The following ABHD2 variants were observed in gnomAD, a reference collection of about 807,000 sequenced individuals.
ABHD2 encodes the protein abhydrolase domain containing 2, acylglycerol lipase, also known as monoacylglycerol lipase ABHD2.
In ABHD2, 20 loss-of-function variants were observed where a neutral mutation model predicts 48.1. That is an observed-to-expected ratio of 0.42 (90% CI 0.29 to 0.60). The LOEUF (loss-of-function observed/expected upper bound fraction) is 0.60, where lower values mean the gene tolerates loss of function less well. Ranked by LOEUF, ABHD2 falls within the 20% of genes least tolerant of loss-of-function variation. The pLI, the probability that ABHD2 is intolerant of heterozygous loss-of-function variation, is 0.24. For synonymous variants in ABHD2, 209 were observed against 214.2 expected, an observed-to-expected ratio of 0.98 and a Z score of 0.21; for missense variants, 405 against 550.9, an observed-to-expected ratio of 0.74 and a Z score of 2.65.
rs2051422159 is a variant in ABHD2 at position 89,197,308 on chromosome 15, T to C, written c.*1885T>C. On this transcript the variant is annotated 3_prime_UTR_variant, in exon 11 of 11. Coordinates refer to ENST00000352732, the MANE Select transcript of ABHD2 (RefSeq NM_152924.5). This position sits in a 1 kb window ranked among gnomAD's most constrained non-coding sequence, Gnocchi z 4.4. The stretch of plus-strand genomic sequence containing the variant: ...CTCACCAGCCTCTATCATTATGACT[T>C]TCCCCCCAGTGTATTATTTCTCTAA... The C allele has an allele frequency of 6.5e-6, 1 of 152,676 alleles. No individual in the cohort carries two copies. Among genetic ancestry groups the C allele is most frequent in the Admixed American group, 6.5e-5 (1 of 15,288 alleles). 9.5% of individuals were successfully genotyped at this position (152,676 alleles called of 1,614,324 possible).
chr15:89,152,077 GTTT>G (rs34458230), intron 4 of ABHD2, among the ~76,000 whole-genome samples: 3 of 139,884 alleles, frequency 2.1e-5, no homozygotes, highest in African/African-American at 2.6e-5. Flanking sequence ...TTGTAGAATA[GTTT>G]TTTTTTTTTT....
the ABHD2 span, among the ~76,000 whole-genome samples, chr15:89,075,823 T>C: frequency 2.0e-5 from 3 of 152,244 alleles, no homozygotes; most frequent in Admixed American, 6.5e-5. The surrounding 1 kb of genome is among the most constrained non-coding windows in gnomAD (Gnocchi z 4.1). Flanking sequence ...GAAGAGTCCA[T>C]GGGGCAGGCT....
the ABHD2 span, among the ~76,000 whole-genome samples, chr15:89,081,166 ATTTTT>A: frequency 4.3e-5 from 5 of 115,302 alleles, no homozygotes; most frequent in Non-Finnish European, 7.0e-5. Context: ...TGCCCAGCTA[ATTTTT>A]TTTTTTTTTT....
At position 89,114,650 on chromosome 15, in the gene ABHD2, T is replaced by G. The variant is rs183195206; in HGVS notation, c.-7+826T>G. Reference sequence around the variant, plus strand: ...GGCATGTGCCACCACGCCCGGCAAATTTTTGTATTTTTGGTAGAGACAGGA... The same window carrying G: ...GGCATGTGCCACCACGCCCGGCAAAGTTTTGTATTTTTGGTAGAGACAGGA... On this transcript the variant is annotated intron_variant, in intron 2 of 10. Transcript: ENST00000352732. The surrounding 1 kb of genome is among the most constrained non-coding windows in gnomAD (Gnocchi z 4.2). Among the ~76,000 whole-genome samples the G allele has an allele frequency of 3.7e-4, 57 of 152,030 alleles. No individual in the cohort carries two copies. Among genetic ancestry groups the G allele is most frequent in the African/African-American group, 1.2e-3 (49 of 41,454 alleles).
intron 3 of ABHD2, among the ~76,000 whole-genome samples, chr15:89,127,728 T>TAATATACATATATAATAAA (rs1685505026): frequency 6.9e-6 from 1 of 144,632 alleles, no homozygotes; most frequent in African/African-American, 2.6e-5. Flanking sequence ...TACACATATA[T>TAATATACATATATAATAAA]ATATATATAT....
At position 89,100,480 on chromosome 15, in the gene ABHD2, C is replaced by G. The variant is rs2049683890; in HGVS notation, c.-107+11917C>G. Among the ~76,000 whole-genome samples, 1 of 152,132 alleles carries G rather than the reference C, an allele frequency of 6.6e-6. No homozygotes were observed. The highest frequency in any genetic ancestry group is 1.5e-5 in the Non-Finnish European group (1 of 68,020). On this transcript the variant is annotated intron_variant, in intron 1 of 10. Transcript: ENST00000352732. The surrounding 1 kb of genome is among the most constrained non-coding windows in gnomAD (Gnocchi z 4.4). ...TCTGTGTCCAGATCCTGCAAGTAGC[C>G]TCTCTACCCCACCACCAATGTACAT... is the stretch of plus-strand genomic sequence containing the variant.
rs1213888781 is a variant in ABHD2 at position 89,174,889 on chromosome 15, C to T, written c.539-923C>T. Among the ~76,000 whole-genome samples the T allele has an allele frequency of 6.6e-6, 1 of 152,200 alleles. No homozygotes were observed. The highest frequency in any genetic ancestry group is 2.4e-5 in the African/African-American group (1 of 41,456). On this transcript the variant is annotated intron_variant, in intron 5 of 10. Transcript: ENST00000352732. This position sits in a 1 kb window ranked among gnomAD's most constrained non-coding sequence, Gnocchi z 4.1. ...CAATAACTTCCCAAGGGGACACCAGCTGAGATCATCTCTCCTGGGCAAATG... is the reference window on the plus strand; with the variant it reads ...CAATAACTTCCCAAGGGGACACCAGTTGAGATCATCTCTCCTGGGCAAATG...
rs140264809 is a variant in ABHD2, at chr15:89,140,682, G to T, written c.195-10995G>T. On this transcript the variant is annotated intron_variant, in intron 3 of 10. Coordinates refer to ENST00000352732, the MANE Select transcript of ABHD2 (RefSeq NM_152924.5). The stretch of plus-strand genomic sequence containing the variant: ...AGGAGCACAGGCCCCCCCTGTGTGT[G>T]ATCTGGGAGCCTCACGTCACCTCTG... 3.0e-3 allele frequency among the ~76,000 whole-genome samples: 464 copies of T among 152,204 alleles called. 1 individual carries two copies. The highest frequency in any genetic ancestry group is 4.9e-3 in the Non-Finnish European group (332 of 68,008).
the ABHD2 span, among the ~76,000 whole-genome samples, chr15:89,062,677 C>T: frequency 2.0e-5 from 3 of 152,082 alleles, no homozygotes; most frequent in East Asian, 1.9e-4. Flanking sequence ...CGTGAGCCAC[C>T]GCACCCAGTT....
chr15:89,080,067 C>G, the ABHD2 span, among the ~76,000 whole-genome samples: 4 of 152,218 alleles, frequency 2.6e-5, no homozygotes, highest in African/African-American at 9.6e-5. Context: ...TTACCCTGGC[C>G]TCAGCTTGCT....
chr15:89,046,417 G>C, the ABHD2 span, among the ~76,000 whole-genome samples: 4 of 151,946 alleles, frequency 2.6e-5, no homozygotes, highest in Non-Finnish European at 4.4e-5. Context: ...CTCATAAAAT[G>C]AGTTAGGGAG....
rs74029947 is a variant in ABHD2 at position 89,193,270 on chromosome 15, C to T, written c.1032C>T (p.Asp344=). The T allele has an allele frequency of 7.8e-4, 1,265 of 1,614,166 alleles. 9 individuals are homozygous for T. The African/African-American group carries it at 0.014, about 17-fold the overall frequency. The change falls in exon 10 of 11, where the codon GAC becomes GAT. Residue 344 remains aspartate (D), a synonymous_variant. Coordinates refer to ENST00000352732, the MANE Select transcript of ABHD2 (RefSeq NM_152924.5). ...YVPLMLVNAA[D]DPLVHESLLT... ...CTCTCATGCTGGTTAATGCAGCTGACGATCCGTTGGTGCATGAAAGTCTTC... is the reference window on the plus strand; with the variant it reads ...CTCTCATGCTGGTTAATGCAGCTGATGATCCGTTGGTGCATGAAAGTCTTC...
chr15:89,116,530 A>G lies in ABHD2; in HGVS notation c.194+9A>G, dbSNP rs1330543199. ...CCTCTTCTGACCAAAGAGTGAGTAGACCTCATGCCCTCTGTATGCTCAGCT... is the reference window on the plus strand; with the variant it reads ...CCTCTTCTGACCAAAGAGTGAGTAGGCCTCATGCCCTCTGTATGCTCAGCT... On this transcript the variant is annotated intron_variant, in intron 3 of 10. Coordinates refer to ENST00000352732, the MANE Select transcript of ABHD2 (RefSeq NM_152924.5). This position sits in a 1 kb window ranked among gnomAD's most constrained non-coding sequence, Gnocchi z 4.6. 2 of 1,610,696 alleles carry G rather than the reference A, an allele frequency of 1.2e-6. No homozygotes were observed. The highest frequency in any genetic ancestry group is 2.7e-5 in the African/African-American group (2 of 74,820).
the ABHD2 span, among the ~76,000 whole-genome samples, chr15:89,073,165 T>C: frequency 6.6e-6 from 1 of 152,240 alleles, no homozygotes; most frequent in South Asian, 2.1e-4. Context: ...CTCAGAAAAT[T>C]CCCACTTCTA....
At chr15:89,066,192 A>G in the ABHD2 span, among the ~76,000 whole-genome samples, 2 of 152,264 alleles carry the variant, frequency 1.3e-5, no homozygotes, top group African/African-American at 4.8e-5. Flanking sequence ...GGGGCTTAAA[A>G]CAACGGAAAT....
chr15:89,104,190 G>A lies in ABHD2; in HGVS notation c.-106-9535G>A, dbSNP rs774489943. 6.6e-6 allele frequency: 1 copy of A among 152,250 alleles called. No individual in the cohort carries two copies. Among genetic ancestry groups the A allele is most frequent in the Non-Finnish European group, 1.5e-5 (1 of 68,066 alleles). The allele number at this position is 152,250 out of a possible 1,614,324, so 9.4% of individuals were successfully genotyped here. A position where few individuals can be genotyped will look rare whatever the true frequency, so the allele number is the denominator to read the frequency against. ...CTCTCCCTGTGTAACAGGGTCTGGT[G>A]GCCGAGCCCTGAGGGGCGCTGTTGC... is the stretch of plus-strand genomic sequence containing the variant. On this transcript the variant is annotated intron_variant, in intron 1 of 10. Transcript: ENST00000352732. The surrounding 1 kb of genome is among the most constrained non-coding windows in gnomAD (Gnocchi z 4.4).
intron 3 of ABHD2, chr15:89,135,883 A>G: frequency 3.1e-6 from 2 of 654,112 alleles, no homozygotes; most frequent in Admixed American, 2.5e-5. Context: ...CAGAACAGGA[A>G]GAAGGCCGAA....
chr15:89,058,892 G>A, the ABHD2 span, among the ~76,000 whole-genome samples: 1 of 151,406 alleles, frequency 6.6e-6, no homozygotes. Context: ...TCCTTTCAAG[G>A]GCACAGAGTG....
At chr15:89,178,710 G>A (rs2051057929) in intron 6 of ABHD2, among the ~76,000 whole-genome samples, 1 of 152,172 alleles carries the variant, frequency 6.6e-6, no homozygotes, top group African/African-American at 2.4e-5. Flanking sequence ...GAAATCACCT[G>A]GTATCCGGCA....
Sources: gnomAD v4.1 joint callset for allele counts (sites outside exome capture counted in the v4.1 genomes callset) on GRCh38, gnomAD v4.1.1 for gene constraint, Gnocchi (gnomAD v3.1) non-coding constraint, MANE v1.5 for transcripts, NCBI Gene and HGNC (gene_info 2026-07-23, HGNC 2026-07-21) for gene names.